HS3ST5: variants seen among roughly 807,000 people sequenced by gnomAD.
HS3ST5 encodes heparan sulfate-glucosamine 3-sulfotransferase 5, also known as heparan sulfate glucosamine 3-O-sulfotransferase 5.
Under a neutral mutation model 25.4 loss-of-function variants are expected in HS3ST5, and 10 were observed. The ratio of observed to expected loss-of-function variants is 0.39; its 90% CI spans 0.24 to 0.67. The LOEUF (loss-of-function observed/expected upper bound fraction) is 0.67. Ranked by LOEUF, HS3ST5 falls within the 30% of genes least tolerant of loss-of-function variation. The pLI, the probability that HS3ST5 is intolerant of heterozygous loss-of-function variation, is 0.44. For missense variants in HS3ST5, 324 were observed against 420.7 expected (o/e 0.77, Z 2.01); for synonymous variants, 170 against 162.4 (o/e 1.05, Z -0.36).
intron 1 of HS3ST5, among the ~76,000 whole-genome samples, chr6:114,266,007 T>TA (rs2114684492): frequency 6.6e-6 from 1 of 152,306 alleles, no homozygotes; most frequent in African/African-American, 2.4e-5. Flanking sequence ...AAATTGATCT[T>TA]ATAGCCAATG....
At chr6:114,090,290 T>G (rs1185231195) in intron 3 of HS3ST5, among the ~76,000 whole-genome samples, 1 of 152,208 alleles carries the variant, frequency 6.6e-6, no homozygotes, top group Non-Finnish European at 1.5e-5. Context: ...TGACATAATT[T>G]GGCAATCTGG....
At chr6:114,283,813 A>T (rs1452301197) in intron 1 of HS3ST5, among the ~76,000 whole-genome samples, 1 of 152,074 alleles carries the variant, frequency 6.6e-6, no homozygotes, top group Non-Finnish European at 1.5e-5. Flanking sequence ...AAACTGATTC[A>T]GGATATCAAA....
In HS3ST5 at chr6:114,056,682, C is replaced by T. The variant is rs1190195172; in HGVS notation, c.*575G>A. ...TGTGATTGACATGCTACAAGTGACACCATGGTCCATACGAGAAAACAATAG... is the reference window on the plus strand; with the variant it reads ...TGTGATTGACATGCTACAAGTGACATCATGGTCCATACGAGAAAACAATAG... On this transcript the variant is annotated 3_prime_UTR_variant, in exon 5 of 5. Transcript: ENST00000312719. 6.6e-6 allele frequency: 1 copy of T among 152,370 alleles called. No homozygotes were observed. The highest frequency in any genetic ancestry group is 1.5e-5 in the Non-Finnish European group (1 of 68,224). 9.4% of individuals were successfully genotyped at this position (152,370 alleles called of 1,614,324 possible).
At chr6:114,173,210 G>A (rs1316929922) in intron 2 of HS3ST5, among the ~76,000 whole-genome samples, 5 of 152,182 alleles carry the variant, frequency 3.3e-5, no homozygotes, top group Non-Finnish European at 4.4e-5. Flanking sequence ...CTTTTGACAA[G>A]CATGGGGAAT....
At chr6:114,305,585 C>T (rs1775255722) in intron 1 of HS3ST5, among the ~76,000 whole-genome samples, 1 of 152,072 alleles carries the variant, frequency 6.6e-6, no homozygotes, top group African/African-American at 2.4e-5. Flanking sequence ...GTGTACTTTT[C>T]ATTTCATCAC....
chr6:114,277,565 A>G (rs554972282), intron 1 of HS3ST5, among the ~76,000 whole-genome samples: 30 of 151,904 alleles, frequency 2.0e-4, no homozygotes, highest in African/African-American at 7.2e-4. Context: ...CTTTTTCCCC[A>G]TTCCTTTTTC....
At chr6:114,089,291 ATTCACAATAGT>A (rs1234874883) in intron 3 of HS3ST5, among the ~76,000 whole-genome samples, 1 of 152,190 alleles carries the variant, frequency 6.6e-6, no homozygotes, top group Non-Finnish European at 1.5e-5. Flanking sequence ...GCATATGTGG[ATTCACAATAGT>A]TAATTACACC....
intron 3 of HS3ST5, among the ~76,000 whole-genome samples, chr6:114,123,659 C>A (rs1173209655): frequency 6.6e-6 from 1 of 152,184 alleles, no homozygotes; most frequent in Non-Finnish European, 1.5e-5. Context: ...CATGACTTGA[C>A]CTGCTTCATG....
intron 1 of HS3ST5, among the ~76,000 whole-genome samples, chr6:114,292,932 T>A (rs1355659756): frequency 6.6e-6 from 1 of 151,808 alleles, no homozygotes; most frequent in Admixed American, 6.6e-5. Flanking sequence ...GTATTGCTAT[T>A]TTTTGTTTTT....
At chr6:114,088,486 T>A (rs1302009610) in intron 3 of HS3ST5, among the ~76,000 whole-genome samples, 1 of 151,980 alleles carries the variant, frequency 6.6e-6, no homozygotes, top group Non-Finnish European at 1.5e-5. Flanking sequence ...CCTCCTCTGA[T>A]CCCACTAATG....
At chr6:114,278,787 A>G (rs1296491693) in intron 1 of HS3ST5, among the ~76,000 whole-genome samples, 8 of 152,046 alleles carry the variant, frequency 5.3e-5, no homozygotes, top group Admixed American at 6.6e-5. Flanking sequence ...TTTTCTCTGC[A>G]TATAATTTCA....
intron 1 of HS3ST5, among the ~76,000 whole-genome samples, chr6:114,329,665 G>A (rs931295506): frequency 6.6e-6 from 1 of 152,102 alleles, no homozygotes. Context: ...GTATGAAGGA[G>A]GTTTGGCGCA....
chr6:114,195,363 T>C (rs919529687), intron 2 of HS3ST5, among the ~76,000 whole-genome samples: 7 of 152,072 alleles, frequency 4.6e-5, no homozygotes, highest in Non-Finnish European at 2.9e-5. Context: ...TGAGGAGCTA[T>C]AGAGAGACCA....
chr6:114,136,880 C>T (rs1328735735), intron 3 of HS3ST5, among the ~76,000 whole-genome samples: 1 of 152,130 alleles, frequency 6.6e-6, no homozygotes, highest in Admixed American at 6.5e-5. Context: ...CCTTTTGGCT[C>T]TTTTAATTAT....
At chr6:114,309,192 G>A (rs773403407) in intron 1 of HS3ST5, among the ~76,000 whole-genome samples, 1 of 152,146 alleles carries the variant, frequency 6.6e-6, no homozygotes, top group Non-Finnish European at 1.5e-5. Context: ...TCTTTTCACA[G>A]AATACATATG....
At chr6:114,118,878 A>G (rs1397230813) in intron 3 of HS3ST5, among the ~76,000 whole-genome samples, 1 of 152,158 alleles carries the variant, frequency 6.6e-6, no homozygotes, top group Non-Finnish European at 1.5e-5. Context: ...CTCTGCCACC[A>G]TGTCTGGTGT....
At chr6:114,100,343 G>A (rs973750158) in intron 3 of HS3ST5, among the ~76,000 whole-genome samples, 53 of 152,252 alleles carry the variant, frequency 3.5e-4, no homozygotes, top group African/African-American at 1.3e-3. Flanking sequence ...AAAATTTGAT[G>A]TCTGGACATG....
chr6:114,172,160 G>A (rs1582678725), intron 2 of HS3ST5, among the ~76,000 whole-genome samples: 1 of 152,176 alleles, frequency 6.6e-6, no homozygotes, highest in South Asian at 2.1e-4. Flanking sequence ...TACACATCAA[G>A]TAAGTTGTGC....
chr6:114,307,436 T>C (rs937902972), intron 1 of HS3ST5, among the ~76,000 whole-genome samples: 2 of 152,020 alleles, frequency 1.3e-5, no homozygotes, highest in Non-Finnish European at 2.9e-5. Context: ...TAGTTTTTTT[T>C]TTCTTTAATA....
Sources: gnomAD v4.1 joint callset for allele counts (sites outside exome capture counted in the v4.1 genomes callset) on GRCh38, gnomAD v4.1.1 for gene constraint, MANE v1.5 for transcripts, NCBI Gene and HGNC (gene_info 2026-07-23, HGNC 2026-07-21) for gene names.